The following GRIK2 variants were observed in gnomAD, a reference collection of about 807,000 sequenced individuals.
The protein encoded by GRIK2 is glutamate receptor ionotropic, kainate 2.
GRIK2 carries 32 observed loss-of-function variants against 100.3 expected under a neutral mutation model. The ratio of observed to expected loss-of-function variants is 0.32; its 90% CI spans 0.24 to 0.43. The LOEUF (loss-of-function observed/expected upper bound fraction) is 0.43. GRIK2 is among the 20% of genes least tolerant of loss of function. The probability of loss-of-function intolerance (pLI) is 1.00; values close to 1 mark genes in which losing one functional copy is unlikely to be tolerated. For synonymous variants in GRIK2, 417 were observed against 389.4 expected, an observed-to-expected ratio of 1.07 and a Z score of -0.83; for missense variants, 843 against 1,114.9, an observed-to-expected ratio of 0.76 and a Z score of 3.47.
intron 11 of GRIK2, among the ~76,000 whole-genome samples, chr6:101,873,406 C>A (rs1351867978): frequency 6.6e-6 from 1 of 151,870 alleles, no homozygotes; most frequent in Non-Finnish European, 1.5e-5. Flanking sequence ...TCATCCATGT[C>A]CCTACAAAGG....
chr6:101,815,360 TAAAATA>T (rs1273789294), intron 9 of GRIK2, among the ~76,000 whole-genome samples: 25 of 152,172 alleles, frequency 1.6e-4, no homozygotes, highest in Non-Finnish European at 2.9e-4. Context: ...AATCAGAACA[TAAAATA>T]AAAATGAATA....
chr6:101,933,273 C>T (rs951327868), intron 14 of GRIK2, among the ~76,000 whole-genome samples: 3 of 151,860 alleles, frequency 2.0e-5, no homozygotes, highest in Admixed American at 6.6e-5. Flanking sequence ...CCTCTAAATT[C>T]AGCTTGCAAA....
At chr6:101,958,283 G>GT (rs71028091) in intron 14 of GRIK2, among the ~76,000 whole-genome samples, 2,309 of 150,790 alleles carry the variant, frequency 0.015, 31 homozygotes, top group East Asian at 0.038. Flanking sequence ...GTGTGTGTGT[G>GT]GGTCCATTGC....
intron 11 of GRIK2, among the ~76,000 whole-genome samples, chr6:101,888,873 T>C (rs1278357426): frequency 3.3e-5 from 5 of 152,200 alleles, no homozygotes; most frequent in African/African-American, 1.2e-4. Flanking sequence ...ATTGTAATTA[T>C]TTCTTACAAT....
In GRIK2 at chr6:102,046,741, C is replaced by G. The variant is rs192035155; in HGVS notation, c.2312-8589C>G. Among the ~76,000 whole-genome samples the G allele has an allele frequency of 5.6e-3, 853 of 152,226 alleles. 8 individuals are homozygous for G. The highest frequency in any genetic ancestry group is 0.02 in the African/African-American group (817 of 41,548). On this transcript the variant is annotated intron_variant, in intron 15 of 16. Transcript: ENST00000369134. ...ACAAACATATATAGAACTTTCCATT[C>G]AAGAACAGTAGAATGTGCTTTCTTC...
At chr6:101,718,100 A>G (rs1388624526) in intron 7 of GRIK2, among the ~76,000 whole-genome samples, 1 of 151,788 alleles carries the variant, frequency 6.6e-6, no homozygotes, top group Non-Finnish European at 1.5e-5. Flanking sequence ...TTATTTTTAT[A>G]TTTTATTCAT....
chr6:101,451,410 C>A (rs1770672526), intron 2 of GRIK2, among the ~76,000 whole-genome samples: 1 of 151,538 alleles, frequency 6.6e-6, no homozygotes. Context: ...GTATGGTTAT[C>A]ATTCTTATGC....
At chr6:101,955,576 TTCTCTCTCTCTCTCTCTC>T (rs60603807) in intron 14 of GRIK2, among the ~76,000 whole-genome samples, 42,431 of 116,426 alleles carry the variant, frequency 0.36, 7,108 homozygotes, top group Middle Eastern at 0.43. Flanking sequence ...GAGCAAGGCC[TTCTCTCTCTCTCTCTCTC>T]TCTCTCTCTC....
chr6:101,818,965 T>C (rs2128422205), intron 10 of GRIK2, among the ~76,000 whole-genome samples: 1 of 152,290 alleles, frequency 6.6e-6, no homozygotes, highest in Admixed American at 6.5e-5. Flanking sequence ...GGAAAATTAA[T>C]TTTACTTTAT....
At chr6:101,504,716 G>A (rs1333283125) in intron 2 of GRIK2, among the ~76,000 whole-genome samples, 3 of 151,910 alleles carry the variant, frequency 2.0e-5, no homozygotes, top group East Asian at 3.8e-4. Flanking sequence ...CATTAACAAA[G>A]CCTTTGTGGA....
chr6:101,771,432 G>A (rs1778395632), intron 7 of GRIK2, among the ~76,000 whole-genome samples: 1 of 151,860 alleles, frequency 6.6e-6, no homozygotes, highest in Admixed American at 6.6e-5. Context: ...AAATAAAGCG[G>A]TTATGGAAGC....
chr6:101,499,313 G>T lies in GRIK2; in HGVS notation c.115+99921G>T, dbSNP rs554283022. 2.0e-5 allele frequency among the ~76,000 whole-genome samples: 3 copies of T among 152,142 alleles called. No individual in the cohort carries two copies. In the South Asian group the frequency reaches 6.2e-4, roughly 32 times the overall value. ...GCTTACCGAATAAAAATGCTTTGGT[G>T]AATCTAAAATATGCTATTGAAAGAA... On this transcript the variant is annotated intron_variant, in intron 2 of 16. Coordinates refer to ENST00000369134, the MANE Select transcript of GRIK2 (RefSeq NM_021956.5).
chr6:101,483,362 A>T (rs1772636436), intron 2 of GRIK2, among the ~76,000 whole-genome samples: 1 of 152,180 alleles, frequency 6.6e-6, no homozygotes, highest in East Asian at 1.9e-4. Flanking sequence ...AGTTTGGATT[A>T]TTTGTAGTAT....
chr6:102,067,675 T>C (rs753175547), intron 16 of GRIK2, among the ~76,000 whole-genome samples: 1 of 151,874 alleles, frequency 6.6e-6, no homozygotes, highest in African/African-American at 2.4e-5. Flanking sequence ...AATTATCAGC[T>C]CTCAGTTATC....
chr6:101,880,025 G>T (rs1786137731), intron 11 of GRIK2, among the ~76,000 whole-genome samples: 1 of 151,968 alleles, frequency 6.6e-6, no homozygotes, highest in Admixed American at 6.6e-5. Flanking sequence ...TAACCGACAA[G>T]TTGAAACATC....
At chr6:101,647,275 G>A (rs1781575214) in intron 4 of GRIK2, among the ~76,000 whole-genome samples, 1 of 151,940 alleles carries the variant, frequency 6.6e-6, no homozygotes, top group African/African-American at 2.4e-5. Flanking sequence ...GAGAGACTTT[G>A]CAGCTGATGC....
In GRIK2 at chr6:101,889,678, T is replaced by C. The variant is rs1375301740; in HGVS notation, c.1563T>C (p.Tyr521=). The part of the protein sequence containing the change: ...DLAVAPLAIT[Y]VREKVIDFSK... ...CAGTTGCTCCACTGGCTATTACCTA[T>C]GTTCGAGAGAAGGTCATCGACTTTT... Residue 521 remains tyrosine (Y), a synonymous_variant, in exon 12 of 17, where the codon TAT becomes TAC. Coordinates refer to ENST00000369134, the MANE Select transcript of GRIK2 (RefSeq NM_021956.5). 1.9e-6 allele frequency: 3 copies of C among 1,611,930 alleles called. No homozygotes were observed. Among genetic ancestry groups the C allele is most frequent in the Non-Finnish European group, 2.5e-6 (3 of 1,178,610 alleles).
At chr6:101,783,817 G>A (rs545047678) in intron 7 of GRIK2, among the ~76,000 whole-genome samples, 1 of 152,176 alleles carries the variant, frequency 6.6e-6, no homozygotes, top group Non-Finnish European at 1.5e-5. Flanking sequence ...CCTGCCCTCT[G>A]TGGAACTTTG....
intron 10 of GRIK2, among the ~76,000 whole-genome samples, chr6:101,826,458 G>A (rs1782338029): frequency 6.6e-6 from 1 of 151,998 alleles, no homozygotes; most frequent in Admixed American, 6.6e-5. Context: ...GAAAGGAGAT[G>A]ATGAATGATA....
Sources: allele counts gnomAD v4.1 joint callset (sites outside exome capture counted in the v4.1 genomes callset), GRCh38; gene constraint gnomAD v4.1.1; transcripts MANE v1.5; gene names NCBI Gene and HGNC (gene_info 2026-07-23, HGNC 2026-07-21).